Variants in AGO1 observed in about 807,000 individuals in gnomAD.
AGO1 encodes the protein argonaute RISC component 1.
In AGO1, 11 loss-of-function variants were observed where a neutral mutation model predicts 109.2. That is an observed-to-expected ratio of 0.10 (90% CI 0.06 to 0.17). AGO1 has a LOEUF of 0.17. Ranked by LOEUF, AGO1 falls within the 10% of genes least tolerant of loss-of-function variation. The pLI is 1.00. For missense variants in AGO1, 574 were observed against 1,140.3 expected (o/e 0.50, Z 7.15); for synonymous variants, 422 against 418.6 (o/e 1.01, Z -0.10).
At chr1:35,916,945 G>A (rs544779793) in intron 15 of AGO1, among the ~76,000 whole-genome samples, 2 of 152,302 alleles carry the variant, frequency 1.3e-5, no homozygotes, top group African/African-American at 4.8e-5. Context: ...TAACTTGCCT[G>A]ATGTAATACA....
rs1351587097 is a variant in AGO1 at position 35,919,827 on chromosome 1, C to T, written c.*220C>T. The T allele has an allele frequency of 2.4e-5, 13 of 548,114 alleles. No homozygotes were observed. Among genetic ancestry groups the T allele is most frequent in the Middle Eastern group, 4.8e-4 (1 of 2,088 alleles). The allele number at this position is 548,114 out of a possible 1,614,324, so 34.0% of individuals were successfully genotyped here. A position where few individuals can be genotyped will look rare whatever the true frequency, so the allele number is the denominator to read the frequency against. On this transcript the variant is annotated 3_prime_UTR_variant, in exon 19 of 19. Transcript: ENST00000373204. The surrounding 1 kb of genome is among the most constrained non-coding windows in gnomAD (Gnocchi z 6.6). Reference sequence around the variant, plus strand: ...GATATCAACCTCATGTCCCCCACCCCTCACCCCATCTTGTCACATCTGGCC... The same window carrying T: ...GATATCAACCTCATGTCCCCCACCCTTCACCCCATCTTGTCACATCTGGCC...
chr1:35,895,371 T>C, intron 8 of AGO1, 102 bp downstream of exon 8: 1 of 1,330,160 alleles, frequency 7.5e-7, no homozygotes, highest in Non-Finnish European at 1.0e-6. Context: ...AAACTGACAT[T>C]CTGAGAAGGT....
intron 11 of AGO1, 127 bp from the exon 12 acceptor site, chr1:35,906,808 G>GAAAAA: frequency 9.3e-6 from 5 of 537,898 alleles, no homozygotes; most frequent in Admixed American, 4.0e-5. Flanking sequence ...CTGTCTCAAG[G>GAAAAA]AAAAAAAAAA....
rs1645955058 is a variant in AGO1, at chr1:35,927,593, A to G, written c.*7986A>G. On this transcript the variant is annotated 3_prime_UTR_variant, in exon 19 of 19. Coordinates refer to ENST00000373204, the MANE Select transcript of AGO1 (RefSeq NM_012199.5). ...CTCATGGCTTTGCTAGAAATGGGTC[A>G]TCTCACTCCTGTCATTGGCAAAGCA... 3 of 152,220 alleles carry G rather than the reference A, an allele frequency of 2.0e-5. No homozygotes were observed. Among genetic ancestry groups the G allele is most frequent in the Non-Finnish European group, 4.4e-5 (3 of 68,040 alleles). 9.4% of individuals were successfully genotyped at this position (152,220 alleles called of 1,614,324 possible).
Position 35,919,407 on chromosome 1 carries a change from G to C in AGO1, c.2466-92G>C. On this transcript the variant is annotated intron_variant, in intron 18 of 18. Transcript: ENST00000373204. This position sits in a 1 kb window ranked among gnomAD's most constrained non-coding sequence, Gnocchi z 6.6. Reference sequence around the variant, plus strand: ...CTGGGTTGGGTTTCTCTCTTAAGTTGGTATGGGAATTGGCATCCCAGGGCT... The same window carrying C: ...CTGGGTTGGGTTTCTCTCTTAAGTTCGTATGGGAATTGGCATCCCAGGGCT... The C allele has an allele frequency of 6.8e-7, 1 of 1,470,798 alleles. No homozygotes were observed. The highest frequency in any genetic ancestry group is 9.3e-7 in the Non-Finnish European group (1 of 1,079,348). The allele number at this position is 1,470,798 out of a possible 1,614,324, so 91.1% of individuals were successfully genotyped here. A position where few individuals can be genotyped will look rare whatever the true frequency, so the allele number is the denominator to read the frequency against.
intron 12 of AGO1, among the ~76,000 whole-genome samples, chr1:35,911,959 C>T (rs1645640323): frequency 6.6e-6 from 1 of 152,066 alleles, no homozygotes; most frequent in Non-Finnish European, 1.5e-5. Flanking sequence ...ATTTTTTTGT[C>T]CTTTGCTGAC....
chr1:35,885,827 TAAATC>T lies in AGO1; in HGVS notation c.25+2388_25+2392del, dbSNP rs148686527. Reference sequence around the variant, plus strand: ...TGGCACAGAATACATGTTTATTAATTAAATCAAATCACATTCAAGTGTGAACATAA... The same window carrying T: ...TGGCACAGAATACATGTTTATTAATTAAATCACATTCAAGTGTGAACATAA... On this transcript the variant is annotated intron_variant, in intron 1 of 18. Coordinates refer to ENST00000373204, the MANE Select transcript of AGO1 (RefSeq NM_012199.5). Among the ~76,000 whole-genome samples the T allele has an allele frequency of 7.0e-3, 1,068 of 152,360 alleles. 10 individuals are homozygous for T. The highest frequency in any genetic ancestry group is 0.024 in the African/African-American group (1,011 of 41,574).
rs1029913210 is a variant in AGO1 at position 35,870,831 on chromosome 1, A to G, written c.-201+928A>G. On this transcript the variant is annotated intron_variant, in intron 1 of 18. Coordinates refer to the AGO1 transcript ENST00000373206. ...TGTATTGTTTAATATGTATATTTGT[A>G]TCCTTAAACCACATAGTTTACTTTT... 9.7e-4 allele frequency among the ~76,000 whole-genome samples: 148 copies of G among 152,098 alleles called. 2 individuals are homozygous for G. The highest frequency in any genetic ancestry group is 3.4e-3 in the African/African-American group (142 of 41,410).
rs1571384653 is a variant in AGO1 at position 35,922,618 on chromosome 1, G to C, written c.*3011G>C. ...GGCCGGCCTGCCTGCCTGCCTGCCT[G>C]CCTGCCTGCCTGTCTGCCTATGTGA... On this transcript the variant is annotated 3_prime_UTR_variant, in exon 19 of 19. Transcript: ENST00000373204. 1 of 153,342 alleles carries C rather than the reference G, an allele frequency of 6.5e-6. No individual in the cohort carries two copies. Among genetic ancestry groups the C allele is most frequent in the African/African-American group, 2.4e-5 (1 of 41,422 alleles). 9.5% of individuals were successfully genotyped at this position (153,342 alleles called of 1,614,324 possible). A position where few individuals can be genotyped will look rare whatever the true frequency, so the allele number is the denominator to read the frequency against.
chr1:35,896,065 T>G (rs747870504), intron 8 of AGO1, among the ~76,000 whole-genome samples: 11 of 152,182 alleles, frequency 7.2e-5, no homozygotes, highest in Non-Finnish European at 1.5e-4. Context: ...AATGGCATGA[T>G]GTTGGCTCAC....
chr1:35,894,382 TCG>T lies in AGO1; in HGVS notation c.854_855del (p.Arg285ProfsTer3). Reference sequence around the variant, plus strand: ...AGTACCGCGTGTGTAATGTTACCCGTCGCCCTGCTAGCCATCAGACGTAAGTT... The same window carrying T: ...AGTACCGCGTGTGTAATGTTACCCGTCCCTGCTAGCCATCAGACGTAAGTT... ...RKYRVCNVTR[R>X]PASHQTFPLQ... On this transcript the variant is annotated frameshift_variant, in exon 7 of 19. Coordinates refer to ENST00000373204, the MANE Select transcript of AGO1 (RefSeq NM_012199.5). LOFTEE classifies it high-confidence loss of function. 1 of 1,614,130 alleles carries T rather than the reference TCG, an allele frequency of 6.2e-7. No homozygotes were observed. The highest frequency in any genetic ancestry group is 8.5e-7 in the Non-Finnish European group (1 of 1,180,004).
chr1:35,906,301 G>A (rs932638675), intron 11 of AGO1, among the ~76,000 whole-genome samples: 2 of 152,124 alleles, frequency 1.3e-5, no homozygotes, highest in Admixed American at 1.3e-4. Context: ...CTTACACGTG[G>A]GCATCTGCCT....
At chr1:35,877,148 A>G (rs992069109) in intron 1 of AGO1, among the ~76,000 whole-genome samples, 1 of 151,844 alleles carries the variant, frequency 6.6e-6, no homozygotes, top group Admixed American at 6.6e-5. Flanking sequence ...GTGAAACTGA[A>G]CCGTGAATCT....
chr1:35,890,067 G>A (rs1241435748), intron 2 of AGO1, among the ~76,000 whole-genome samples: 1 of 150,434 alleles, frequency 6.6e-6, no homozygotes, highest in African/African-American at 2.5e-5. Flanking sequence ...CTGTCATCCA[G>A]GCTAGAGTGC....
In AGO1 at chr1:35,913,828, C is replaced by T; in HGVS notation, c.1583-14C>T. On this transcript the variant is annotated splice_polypyrimidine_tract_variant and intron_variant, in intron 12 of 18. Transcript: ENST00000373204. ...TTTGTTGAATGCACTAATCATTTCT[C>T]TCCCTGCCCTTAGCTGAGGTGAAAC... 6.2e-7 allele frequency: 1 copy of T among 1,612,840 alleles called. No homozygotes were observed. The highest frequency in any genetic ancestry group is 8.5e-7 in the Non-Finnish European group (1 of 1,179,224).
chr1:35,880,035 CTTTGAGAGTTT>C (rs1645022947), upstream of AGO1, among the ~76,000 whole-genome samples: 1 of 152,076 alleles, frequency 6.6e-6, no homozygotes. Context: ...TTTCTGAGAC[CTTTGAGAGTTT>C]TTTGAGAGTT....
rs1645896209 is a variant in AGO1, at chr1:35,924,777, G to C, written c.*5170G>C. On this transcript the variant is annotated 3_prime_UTR_variant, in exon 19 of 19. Coordinates refer to ENST00000373204, the MANE Select transcript of AGO1 (RefSeq NM_012199.5). ...TGCCAGTCAAGATGGGGGTGACGGG[G>C]AGACTGTAGAAGGAAGGTGGGGAGT... 6.6e-6 allele frequency: 1 copy of C among 152,258 alleles called. No individual in the cohort carries two copies. The highest frequency in any genetic ancestry group is 1.5e-5 in the Non-Finnish European group (1 of 68,108). The allele number at this position is 152,258 out of a possible 1,614,324, so 9.4% of individuals were successfully genotyped here.
In AGO1 at chr1:35,922,991, A is replaced by G. The variant is rs540957769; in HGVS notation, c.*3384A>G. The G allele has an allele frequency of 1.3e-5, 2 of 152,450 alleles. No individual in the cohort carries two copies. Among genetic ancestry groups the G allele is most frequent in the South Asian group, 4.1e-4 (2 of 4,830 alleles). 9.4% of individuals were successfully genotyped at this position (152,450 alleles called of 1,614,324 possible). On this transcript the variant is annotated 3_prime_UTR_variant, in exon 19 of 19. Coordinates refer to ENST00000373204, the MANE Select transcript of AGO1 (RefSeq NM_012199.5). ...TGGGTTTGAGTGTTAGGGGATGGAC[A>G]TAAAGGAAAAAGAGTGATGAGAAGA... is the stretch of plus-strand genomic sequence containing the variant.
At chr1:35,894,234 T>G in intron 6 of AGO1, 63 bp downstream of exon 6, 1 of 1,588,070 alleles carries the variant, frequency 6.3e-7, no homozygotes, top group Non-Finnish European at 8.6e-7. Flanking sequence ...GAAATCCCCT[T>G]GGGGTATGCT....
Sources: allele counts gnomAD v4.1 joint callset (sites outside exome capture counted in the v4.1 genomes callset), GRCh38; gene constraint gnomAD v4.1.1; non-coding constraint Gnocchi (gnomAD v3.1); transcripts MANE v1.5; gene names NCBI Gene and HGNC (gene_info 2026-07-23, HGNC 2026-07-21).